Variants in XYLT1 observed in about 807,000 individuals in gnomAD.
The protein encoded by XYLT1 is beta-D-xylosyltransferase 1.
XYLT1 carries 36 observed loss-of-function variants against 91.3 expected under a neutral mutation model. That is an observed-to-expected ratio of 0.39 (90% CI 0.30 to 0.52). The LOEUF (loss-of-function observed/expected upper bound fraction) is 0.52, where lower values mean the gene tolerates loss of function less well. Ranked by LOEUF, XYLT1 falls within the 20% of genes least tolerant of loss-of-function variation. The probability of loss-of-function intolerance (pLI) is 0.68; values close to 1 mark genes in which losing one functional copy is unlikely to be tolerated. For synonymous variants in XYLT1, 588 were observed against 532.0 expected (o/e 1.11, Z -1.45); for missense variants, 1,242 against 1,284.5 (o/e 0.97, Z 0.51).
chr16:17,141,111 C>G, intron 7 of XYLT1, 42 bp downstream of exon 7: 4 of 1,597,248 alleles, frequency 2.5e-6, no homozygotes, highest in Non-Finnish European at 3.4e-6. Flanking sequence ...AAGGCTAGAA[C>G]AAGCCCCTAT....
At chr16:17,441,946 C>G (rs1368034550) in intron 1 of XYLT1, among the ~76,000 whole-genome samples, 13 of 152,126 alleles carry the variant, frequency 8.5e-5, no homozygotes, top group African/African-American at 3.1e-4. Context: ...ACAGAGTACC[C>G]AGATAGTCAG....
rs530065442 is a variant in XYLT1, at chr16:17,450,456, C to A, written c.363+19978G>T. ...GGACTCTTTTCTGCAGACAATCACA[C>A]CAAAACAGCCACGTACACATGGAAG... On this transcript the variant is annotated intron_variant, in intron 1 of 11. Transcript: ENST00000261381. Among the ~76,000 whole-genome samples, 27 of 152,174 alleles carry A rather than the reference C, an allele frequency of 1.8e-4. No individual in the cohort carries two copies. The South Asian group carries it at 5.0e-3, about 28-fold the overall frequency.
chr16:17,172,076 G>A (rs1429968517), intron 5 of XYLT1, among the ~76,000 whole-genome samples: 2 of 152,198 alleles, frequency 1.3e-5, no homozygotes, highest in African/African-American at 4.8e-5. Context: ...GGGTTAGAAG[G>A]AATGATATCA....
chr16:17,135,356 C>G (rs2030674357), intron 8 of XYLT1, among the ~76,000 whole-genome samples: 1 of 152,088 alleles, frequency 6.6e-6, no homozygotes, highest in Non-Finnish European at 1.5e-5. Context: ...ATCGGAATCT[C>G]TGGGACTTTG....
At chr16:17,165,913 C>T (rs1427033852) in intron 5 of XYLT1, among the ~76,000 whole-genome samples, 3 of 152,238 alleles carry the variant, frequency 2.0e-5, no homozygotes, top group African/African-American at 7.2e-5. Flanking sequence ...AGAAAGCAAA[C>T]TACACGGAAT....
intron 6 of XYLT1, among the ~76,000 whole-genome samples, chr16:17,143,021 T>A (rs1373614189): frequency 6.6e-6 from 1 of 152,152 alleles, no homozygotes; most frequent in African/African-American, 2.4e-5. Flanking sequence ...TATATACATA[T>A]AATCATCTTG....
chr16:17,353,279 A>G (rs547552973), intron 2 of XYLT1, among the ~76,000 whole-genome samples: 13 of 152,184 alleles, frequency 8.5e-5, no homozygotes, highest in Admixed American at 8.5e-4. Flanking sequence ...CTCCTTTATT[A>G]TATCTCCCAA....
intron 1 of XYLT1, among the ~76,000 whole-genome samples, chr16:17,446,885 G>C (rs115945109): frequency 0.013 from 1,947 of 147,828 alleles, 31 homozygotes; most frequent in Middle Eastern, 0.031. Context: ...TTTCAAGTGC[G>C]GGGGACTGCA....
chr16:17,309,526 A>G (rs2034514097), intron 2 of XYLT1, among the ~76,000 whole-genome samples: 1 of 152,096 alleles, frequency 6.6e-6, no homozygotes, highest in Non-Finnish European at 1.5e-5. Context: ...GAGGCTCTTC[A>G]TGGACATGCA....
intron 1 of XYLT1, among the ~76,000 whole-genome samples, chr16:17,431,471 G>C (rs2036390319): frequency 6.6e-6 from 1 of 152,124 alleles, no homozygotes; most frequent in Admixed American, 6.5e-5. Context: ...ACCTACTAAA[G>C]AACCCAAATT....
intron 5 of XYLT1, among the ~76,000 whole-genome samples, chr16:17,170,456 T>C (rs544192981): frequency 2.6e-5 from 4 of 152,306 alleles, no homozygotes; most frequent in South Asian, 4.1e-4. Context: ...CCCATTTCAC[T>C]GTAGCCCACG....
At chr16:17,302,952 C>T (rs983563572) in intron 2 of XYLT1, among the ~76,000 whole-genome samples, 7 of 151,860 alleles carry the variant, frequency 4.6e-5, no homozygotes, top group Non-Finnish European at 8.8e-5. Context: ...CACATGTGAC[C>T]GTGAGCTTAA....
intron 1 of XYLT1, among the ~76,000 whole-genome samples, chr16:17,379,763 T>TCTCTCTCTCACA (rs373354877): frequency 6.8e-4 from 85 of 125,610 alleles, no homozygotes; most frequent in African/African-American, 2.0e-3. Flanking sequence ...TCTCTCTCTC[T>TCTCTCTCTCACA]CACACACACA....
At chr16:17,325,894 G>A (rs1035860687) in intron 2 of XYLT1, among the ~76,000 whole-genome samples, 12 of 152,202 alleles carry the variant, frequency 7.9e-5, no homozygotes, top group Non-Finnish European at 1.3e-4. Context: ...TGGGCAGGAA[G>A]CATCATGTCT....
intron 5 of XYLT1, among the ~76,000 whole-genome samples, chr16:17,174,252 C>T (rs1033171895): frequency 6.6e-6 from 1 of 152,188 alleles, no homozygotes; most frequent in African/African-American, 2.4e-5. Context: ...AGCTGAACCA[C>T]ATATGTTAAG....
At chr16:17,385,202 A>G (rs2035731763) in intron 1 of XYLT1, among the ~76,000 whole-genome samples, 2 of 151,346 alleles carry the variant, frequency 1.3e-5, no homozygotes, top group Admixed American at 6.7e-5. Context: ...CGTAGATGTG[A>G]CAACTGAACC....
At position 17,313,402 on chromosome 16, in the gene XYLT1, TGGCAGCCA is replaced by T. The variant is rs1203546109; in HGVS notation, c.402+44602_402+44609del. On this transcript the variant is annotated intron_variant, in intron 2 of 11. Transcript: ENST00000261381. ...AAAGGCCTCCCACACAAGCCAGCCTTGGCAGCCAGCGACCTACCAGACAAGGCCCCCCT... is the reference window on the plus strand; with the variant it reads ...AAAGGCCTCCCACACAAGCCAGCCTTGCGACCTACCAGACAAGGCCCCCCT... Among the ~76,000 whole-genome samples the T allele has an allele frequency of 4.7e-4, 72 of 152,198 alleles. 1 individual carries two copies. Among genetic ancestry groups the T allele is most frequent in the Non-Finnish European group, 8.8e-5 (6 of 68,028 alleles).
rs1966738048 is a variant in XYLT1 at position 17,103,698 on chromosome 16, G to A, written c.*4997C>T. On this transcript the variant is annotated 3_prime_UTR_variant, in exon 12 of 12. Coordinates refer to ENST00000261381, the MANE Select transcript of XYLT1 (RefSeq NM_022166.4). ...ATGACGTTAGGGAGGGGGATGACAA[G>A]GTGCAGAACCCGCTTTCTGGTGGTA... is the stretch of plus-strand genomic sequence containing the variant. The A allele has an allele frequency of 6.6e-6, 1 of 152,178 alleles. No individual in the cohort carries two copies. 9.4% of individuals were successfully genotyped at this position (152,178 alleles called of 1,614,324 possible). A position where few individuals can be genotyped will look rare whatever the true frequency, so the allele number is the denominator to read the frequency against.
intron 2 of XYLT1, among the ~76,000 whole-genome samples, chr16:17,309,337 G>T (rs866257956): frequency 1.6e-4 from 25 of 152,350 alleles, no homozygotes; most frequent in Middle Eastern, 6.8e-3. Flanking sequence ...ATTACCCCCA[G>T]TTGAGAGTTG....
Sources: gnomAD v4.1 joint callset for allele counts (sites outside exome capture counted in the v4.1 genomes callset) on GRCh38, gnomAD v4.1.1 for gene constraint, MANE v1.5 for transcripts, NCBI Gene and HGNC (gene_info 2026-07-23, HGNC 2026-07-21) for gene names.